The following ITGB2 variants were observed in gnomAD, a reference collection of about 807,000 sequenced individuals.
The protein encoded by ITGB2 is integrin beta-2.
Under a neutral mutation model 86.8 loss-of-function variants are expected in ITGB2, and 56 were observed. The observed-to-expected ratio is 0.65, with a 90% confidence interval of 0.52 to 0.81. The LOEUF is 0.81. ITGB2 is among the 30% of genes least tolerant of loss of function. ITGB2 has a pLI of 0.00. For synonymous variants in ITGB2, 457 were observed against 450.4 expected (o/e 1.01, Z -0.19); for missense variants, 948 against 1,061.2 (o/e 0.89, Z 1.48).
intron 3 of ITGB2, 93 bp from the exon 4 acceptor site, chr21:44,907,188 CCCT>C (rs1385449162): frequency 4.4e-6 from 4 of 901,100 alleles, no homozygotes; most frequent in South Asian, 3.2e-5. Context: ...CCACCCTGTC[CCCT>C]CCTCCTCTGC....
chr21:44,901,391 A>C lies in ITGB2; in HGVS notation c.741+101T>G. 5.5e-6 allele frequency: 8 copies of C among 1,458,772 alleles called. No homozygotes were observed. In the South Asian group the frequency reaches 1.0e-4, roughly 18 times the overall value. The allele number at this position is 1,458,772 out of a possible 1,614,324, so 90.4% of individuals were successfully genotyped here. A position where few individuals can be genotyped will look rare whatever the true frequency, so the allele number is the denominator to read the frequency against. On this transcript the variant is annotated intron_variant, in intron 6 of 15. Transcript: ENST00000652462. ...CCAGGCCCAGGCTGGAGTCCCTCAGACGACCTGCCGGCCAGGGTACCCCCC... is the reference window on the plus strand; with the variant it reads ...CCAGGCCCAGGCTGGAGTCCCTCAGCCGACCTGCCGGCCAGGGTACCCCCC...
intron 1 of ITGB2, among the ~76,000 whole-genome samples, chr21:44,920,036 G>A (rs774977320): frequency 7.9e-5 from 12 of 152,230 alleles, no homozygotes; most frequent in East Asian, 5.8e-4. Context: ...GAACCAACTC[G>A]ACCAGAATCG....
chr21:44,917,033 A>G (rs1476651490), intron 1 of ITGB2, among the ~76,000 whole-genome samples: 1 of 152,246 alleles, frequency 6.6e-6, no homozygotes, highest in African/African-American at 2.4e-5. Context: ...AATTAATAAC[A>G]AAAAGGTAAA....
intron 14 of ITGB2, among the ~76,000 whole-genome samples, chr21:44,887,217 C>A (rs1009669969): frequency 2.6e-5 from 4 of 152,178 alleles, no homozygotes; most frequent in African/African-American, 9.7e-5. Context: ...GGACACAGTG[C>A]GAGGGACCCC....
At chr21:44,905,575 G>A (rs932261419) in intron 4 of ITGB2, among the ~76,000 whole-genome samples, 11 of 152,222 alleles carry the variant, frequency 7.2e-5, no homozygotes, top group African/African-American at 2.4e-4. Flanking sequence ...GTGGGGCGTG[G>A]GGAAAATACA....
At chr21:44,893,206 G>T in intron 10 of ITGB2, 198 bp downstream of exon 10, 2 of 601,354 alleles carry the variant, frequency 3.3e-6, no homozygotes, top group Non-Finnish European at 5.9e-6. Context: ...CCTTCCAGTG[G>T]ATGCTGCCTG....
intron 6 of ITGB2, 85 bp from the exon 7 acceptor site, chr21:44,900,560 G>T: frequency 6.4e-7 from 1 of 1,550,472 alleles, no homozygotes. Flanking sequence ...ATGCAGAGCT[G>T]GTGGGGTGGC....
In ITGB2 at chr21:44,889,396, C is replaced by T. The variant is rs921337956; in HGVS notation, c.1757G>A (p.Arg586Gln). The T allele has an allele frequency of 8.7e-6, 14 of 1,612,620 alleles. No individual in the cohort carries two copies. The highest frequency in any genetic ancestry group is 4.5e-5 in the East Asian group (2 of 44,878). The stretch of plus-strand genomic sequence containing the variant: ...GCCACGACCACTACACTCAACACGC[C>T]GCGGGTTCAGGCAGCCCTCAGTGGT... ...ERTTEGCLNP[R>Q]RVECSGRGRC... Residue 586 changes from arginine to glutamine, a missense_variant, in exon 13 of 16, where the codon CGG becomes CAG. Arg to Gln is a conservative substitution (Grantham distance 43, BLOSUM62 1). Transcript: ENST00000652462.
intron 8 of ITGB2, 129 bp from the exon 9 acceptor site, chr21:44,895,189 T>C: frequency 2.7e-6 from 2 of 737,216 alleles, no homozygotes; most frequent in South Asian, 1.4e-5. Flanking sequence ...AGTTTTGCAC[T>C]TGGTCCCCAG....
intron 1 of ITGB2, chr21:44,926,830 G>A (rs1354131613): frequency 1.3e-5 from 2 of 152,286 alleles, no homozygotes; most frequent in African/African-American, 2.4e-5. Flanking sequence ...GTCATCAGGG[G>A]TTGGTTGGTT....
chr21:44,910,806 G>C, intron 1 of ITGB2, 21 bp from the exon 2 acceptor site: 1 of 1,610,456 alleles, frequency 6.2e-7, no homozygotes, highest in Non-Finnish European at 8.5e-7. Context: ...AAGGGGTCTT[G>C]GTGACGGTCT....
upstream of ITGB2, among the ~76,000 whole-genome samples, chr21:44,923,300 C>T (rs62214472): frequency 8.5e-3 from 1,291 of 152,196 alleles, 6 homozygotes; most frequent in Non-Finnish European, 0.014. Flanking sequence ...TTAATAGAAC[C>T]AATTGCAATG....
rs917919602 is a variant in ITGB2, at chr21:44,911,044, A to G, written c.-3-259T>C. Reference sequence around the variant, plus strand: ...GGACAGCTGCAGCGGGCCCCTGCAGAGGCACACAACACAGGCACACACACA... The same window carrying G: ...GGACAGCTGCAGCGGGCCCCTGCAGGGGCACACAACACAGGCACACACACA... On this transcript the variant is annotated intron_variant, in intron 1 of 15. Transcript: ENST00000652462. 1.8e-5 allele frequency: 10 copies of G among 563,412 alleles called. No individual in the cohort carries two copies. In the Admixed American group the frequency reaches 3.1e-4, roughly 17 times the overall value. The allele number at this position is 563,412 out of a possible 1,614,324, so 34.9% of individuals were successfully genotyped here.
intron 8 of ITGB2, among the ~76,000 whole-genome samples, chr21:44,896,471 C>G (rs2083872609): frequency 6.6e-6 from 1 of 152,242 alleles, no homozygotes. Context: ...ATCATTTCAC[C>G]TTCCAGGAAC....
intron 2 of ITGB2, 164 bp from the exon 3 acceptor site, chr21:44,910,536 C>G (rs903821220): frequency 6.9e-7 from 1 of 1,458,826 alleles, no homozygotes; most frequent in African/African-American, 1.4e-5. Context: ...GAGGGGCCCT[C>G]GGGAAACAGC....
intron 9 of ITGB2, 123 bp from the exon 10 acceptor site, chr21:44,893,667 G>T: frequency 7.7e-7 from 1 of 1,297,580 alleles, no homozygotes; most frequent in Non-Finnish European, 1.1e-6. Context: ...GTCAGCTAAT[G>T]ACACAGAGGA....
chr21:44,900,269 G>A lies in ITGB2; in HGVS notation c.897+51C>T, dbSNP rs777016006. ...TGGAGACCCCACCCTTGTCTCCTCC[G>A]TCAGTGGTGTCCTGCCAGGCGGTGC... On this transcript the variant is annotated intron_variant, in intron 7 of 15. Transcript: ENST00000652462. 45 of 1,610,680 alleles carry A rather than the reference G, an allele frequency of 2.8e-5. No homozygotes were observed. In the South Asian group the frequency reaches 3.5e-4, roughly 13 times the overall value.
chr21:44,892,059 A>G (rs2083793571), intron 10 of ITGB2, 63 bp from the exon 11 acceptor site: 1 of 1,528,740 alleles, frequency 6.5e-7, no homozygotes. Flanking sequence ...CCCAGCTCCC[A>G]ACCCTCACCT....
intron 1 of ITGB2, among the ~76,000 whole-genome samples, chr21:44,913,281 T>C (rs957990945): frequency 3.3e-5 from 5 of 152,036 alleles, no homozygotes; most frequent in Non-Finnish European, 7.4e-5. Flanking sequence ...GCCGCAGACA[T>C]GAGGTCTCCG....
Sources: gnomAD v4.1 joint callset for allele counts (sites outside exome capture counted in the v4.1 genomes callset) on GRCh38, gnomAD v4.1.1 for gene constraint, MANE v1.5 for transcripts, NCBI Gene and HGNC (gene_info 2026-07-23, HGNC 2026-07-21) for gene names.